ZBTB38: variants seen among roughly 807,000 people sequenced by gnomAD.
ZBTB38 encodes zinc finger and BTB domain containing 38.
In ZBTB38, 20 loss-of-function variants were observed where a neutral mutation model predicts 76.8. The ratio of observed to expected loss-of-function variants is 0.26; its 90% CI spans 0.18 to 0.38. The LOEUF is 0.38. ZBTB38 is among the 10% of genes least tolerant of loss of function. ZBTB38 has a pLI of 1.00. For synonymous variants in ZBTB38, 504 were observed against 544.2 expected (o/e 0.93, Z 1.03); for missense variants, 1,082 against 1,482.3 (o/e 0.73, Z 4.43).
In ZBTB38 at chr3:141,446,097, ACTCATTTGTGAAAATTCCAG is replaced by A; in HGVS notation, c.*122_*141del. Reference sequence around the variant, plus strand: ...AGGAGTGAAATTAAAAAAAAAAAAAACTCATTTGTGAAAATTCCAGAAAAAGGATCCTAATATCTACTTTG... The same window carrying A: ...AGGAGTGAAATTAAAAAAAAAAAAAAAAAAAGGATCCTAATATCTACTTTG... On this transcript the variant is annotated 3_prime_UTR_variant, in exon 6 of 6. Transcript: ENST00000321464. The A allele has an allele frequency of 1.0e-5, 9 of 890,254 alleles. No individual in the cohort carries two copies. Among genetic ancestry groups the A allele is most frequent in the Non-Finnish European group, 1.4e-5 (9 of 643,096 alleles). 55.1% of individuals were successfully genotyped at this position (890,254 alleles called of 1,614,324 possible).
At chr3:141,417,055 T>C (rs2150043888) in intron 5 of ZBTB38, among the ~76,000 whole-genome samples, 1 of 152,318 alleles carries the variant, frequency 6.6e-6, no homozygotes, top group East Asian at 1.9e-4. Context: ...ACAAGGGAGC[T>C]TGTTAGAAAT....
chr3:141,344,364 T>C (rs1943281849), intron 1 of ZBTB38, among the ~76,000 whole-genome samples: 1 of 152,010 alleles, frequency 6.6e-6, no homozygotes, highest in Non-Finnish European at 1.5e-5. Context: ...TCCATCTTCT[T>C]CTTCTATTTA....
chr3:141,409,124 C>T (rs745953905), intron 5 of ZBTB38, among the ~76,000 whole-genome samples: 3 of 152,248 alleles, frequency 2.0e-5, no homozygotes, highest in Admixed American at 1.3e-4. Flanking sequence ...CAGCTCACTG[C>T]AACCTTTGCC....
chr3:141,346,782 T>TGTG (rs1943369260), intron 1 of ZBTB38, among the ~76,000 whole-genome samples: 2 of 144,684 alleles, frequency 1.4e-5, no homozygotes, highest in South Asian at 2.2e-4. Flanking sequence ...TTGTTTTGTT[T>TGTG]TGTGTGTGTG....
At chr3:141,348,850 C>T (rs1008174484) in intron 1 of ZBTB38, among the ~76,000 whole-genome samples, 5 of 152,028 alleles carry the variant, frequency 3.3e-5, no homozygotes, top group Admixed American at 1.3e-4. Context: ...AAGGGACTCC[C>T]GGCAGAGAAG....
intron 5 of ZBTB38, among the ~76,000 whole-genome samples, chr3:141,433,035 A>G (rs551645379): frequency 9.2e-5 from 14 of 152,322 alleles, no homozygotes; most frequent in Non-Finnish European, 1.5e-4. Flanking sequence ...TTTTTCAGCC[A>G]TGTTCAAACT....
chr3:141,328,764 G>A (rs1942752776), intron 1 of ZBTB38, among the ~76,000 whole-genome samples: 1 of 152,116 alleles, frequency 6.6e-6, no homozygotes, highest in Non-Finnish European at 1.5e-5. Context: ...TTCTCTGCCT[G>A]GCACACAAGG....
chr3:141,385,488 G>A (rs979460532), intron 3 of ZBTB38, among the ~76,000 whole-genome samples: 1 of 151,968 alleles, frequency 6.6e-6, no homozygotes, highest in Non-Finnish European at 1.5e-5. Context: ...AGGAAATTTT[G>A]CTAGCAAGCT....
intron 1 of ZBTB38, among the ~76,000 whole-genome samples, chr3:141,357,397 A>T (rs1395633067): frequency 6.6e-6 from 1 of 152,152 alleles, no homozygotes; most frequent in African/African-American, 2.4e-5. Flanking sequence ...AAATCTATCA[A>T]TGACTTACTT....
At chr3:141,331,122 C>T (rs1983235) in intron 1 of ZBTB38, among the ~76,000 whole-genome samples, 50,637 of 152,032 alleles carry the variant, frequency 0.33, 9,137 homozygotes, top group Non-Finnish European at 0.4. Context: ...TGAACTTTTG[C>T]TTATAAGATC....
chr3:141,441,032 C>CAAAAA (rs202075469), intron 5 of ZBTB38, among the ~76,000 whole-genome samples: 24 of 63,988 alleles, frequency 3.8e-4, no homozygotes, highest in Non-Finnish European at 5.5e-4. Context: ...GACTCAATCT[C>CAAAAA]AAAAAAAAAA....
chr3:141,401,148 G>C (rs1169409093), intron 4 of ZBTB38, among the ~76,000 whole-genome samples: 2 of 152,232 alleles, frequency 1.3e-5, no homozygotes, highest in African/African-American at 4.8e-5. Flanking sequence ...CTCAGGTTTT[G>C]AGAAAGCTCT....
chr3:141,419,491 C>T (rs879309138), intron 5 of ZBTB38, among the ~76,000 whole-genome samples: 5 of 152,156 alleles, frequency 3.3e-5, no homozygotes, highest in Non-Finnish European at 7.3e-5. Context: ...ATCTAGTCTT[C>T]CATTTAAGTA....
At chr3:141,415,941 CAT>C (rs2073932807) in intron 5 of ZBTB38, among the ~76,000 whole-genome samples, 1 of 152,116 alleles carries the variant, frequency 6.6e-6, no homozygotes, top group African/African-American at 2.4e-5. Context: ...AGGGAACTGA[CAT>C]AAATAATTAT....
chr3:141,420,336 G>A (rs986402364), intron 5 of ZBTB38, among the ~76,000 whole-genome samples: 5 of 152,322 alleles, frequency 3.3e-5, no homozygotes, highest in South Asian at 2.1e-4. Flanking sequence ...TTTGCACTGG[G>A]TCACCTGTAA....
rs532358866 is a variant in ZBTB38, at chr3:141,445,038, A to C, written c.2650A>C (p.Ser884Arg). The C allele has an allele frequency of 9.9e-6, 16 of 1,614,228 alleles. No homozygotes were observed. The East Asian group carries it at 3.3e-4, about 34-fold the overall frequency. Residue 884 changes from serine to arginine, a missense_variant, in exon 6 of 6, where the codon AGT (serine) becomes CGT (arginine). This residue lies in a region of ZBTB38 where 471 missense variants were observed against 581.0 expected (regional missense o/e 0.81). Coordinates refer to ENST00000321464, the MANE Select transcript of ZBTB38 (RefSeq NM_001376113.1). The surrounding 1 kb of genome is among the most constrained non-coding windows in gnomAD (Gnocchi z 6.5). ...PLPQGNDPEP[S>R]GDSPLGLCQS... Reference sequence around the variant, plus strand: ...GCCACAGGGGAATGACCCAGAACCCAGTGGAGACAGCCCACTCGGGCTTTG... The same window carrying C: ...GCCACAGGGGAATGACCCAGAACCCCGTGGAGACAGCCCACTCGGGCTTTG...
intron 5 of ZBTB38, among the ~76,000 whole-genome samples, chr3:141,415,166 T>A (rs931370444): frequency 5.9e-5 from 9 of 152,100 alleles, no homozygotes; most frequent in African/African-American, 2.2e-4. Context: ...ACCTCAGCCA[T>A]CTCCACCCTG....
intron 5 of ZBTB38, chr3:141,426,030 T>G: frequency 1.5e-6 from 1 of 682,426 alleles, no homozygotes; most frequent in Non-Finnish European, 2.3e-6. Context: ...TTGGATGACA[T>G]ATGTAGGTGA....
chr3:141,354,197 A>G (rs1389441577), intron 1 of ZBTB38, among the ~76,000 whole-genome samples: 1 of 152,156 alleles, frequency 6.6e-6, no homozygotes, highest in Non-Finnish European at 1.5e-5. Flanking sequence ...GGAAATCATT[A>G]CTAACCTACA....
Sources: gnomAD v4.1 joint callset for allele counts (sites outside exome capture counted in the v4.1 genomes callset) on GRCh38, gnomAD v4.1.1 for gene constraint, gnomAD v4.1.1 regional missense constraint, Gnocchi (gnomAD v3.1) non-coding constraint, MANE v1.5 for transcripts, NCBI Gene and HGNC (gene_info 2026-07-23, HGNC 2026-07-21) for gene names.